Variants in BIRC6 observed in about 807,000 individuals in gnomAD.
BIRC6 encodes the protein dual E2 ubiquitin-conjugating enzyme/E3 ubiquitin-protein ligase BIRC6.
In BIRC6, 98 loss-of-function variants were observed where a neutral mutation model predicts 503.3. The observed-to-expected ratio is 0.19, with a 90% CI of 0.17 to 0.23. BIRC6 has a LOEUF of 0.23. Among genes scored for constraint, BIRC6 ranks in the 10% least tolerant of loss-of-function variants. The pLI, the probability that BIRC6 is intolerant of heterozygous loss-of-function variation, is 1.00. For missense variants in BIRC6, 5,360 were observed against 5,806.0 expected (o/e 0.92, Z 2.50); for synonymous variants, 2,240 against 2,078.7 (o/e 1.08, Z -2.11).
intron 1 of BIRC6, among the ~76,000 whole-genome samples, chr2:32,358,008 C>T (rs1367350613): frequency 8.4e-6 from 1 of 118,668 alleles, no homozygotes; most frequent in East Asian, 2.6e-4. Flanking sequence ...GGACAGACCG[C>T]GGGCTGTGCG....
rs1432305814 is a variant in BIRC6 at position 32,375,743 on chromosome 2, C to CTCTTTTTTTT, written c.326-1844_326-1843insCTTTTTTTTT. Among the ~76,000 whole-genome samples the CTCTTTTTTTT allele has an allele frequency of 3.2e-4, 44 of 138,378 alleles. 1 individual carries two copies. The highest frequency in any genetic ancestry group is 1.1e-3 in the African/African-American group (42 of 37,170). 90.8% of individuals were successfully genotyped at this position (138,378 alleles called of 152,430 possible). On this transcript the variant is annotated intron_variant, in intron 1 of 73. Transcript: ENST00000421745. ...CCGTAAATGTATTTTCTTTCTCTCT[C>CTCTTTTTTTT]TTTTTTTTTTTTTTTGCAATTCAGC...
At chr2:32,574,089 T>C (rs2060093138) in intron 65 of BIRC6, among the ~76,000 whole-genome samples, 1 of 152,110 alleles carries the variant, frequency 6.6e-6, no homozygotes, top group African/African-American at 2.4e-5. Flanking sequence ...ACCTATTAAG[T>C]TGACCCTTGA....
chr2:32,543,158 G>A, intron 61 of BIRC6, 83 bp from the exon 62 acceptor site: 1 of 1,351,360 alleles, frequency 7.4e-7, no homozygotes, highest in Non-Finnish European at 1.0e-6. Context: ...ATATTTTAAA[G>A]AGATCATTTA....
intron 69 of BIRC6, 71 bp downstream of exon 69, chr2:32,598,039 A>C: frequency 1.5e-6 from 2 of 1,303,682 alleles, no homozygotes; most frequent in Non-Finnish European, 2.1e-6. Flanking sequence ...ATTTTTATAC[A>C]AAACTGGAAA....
intron 1 of BIRC6, among the ~76,000 whole-genome samples, chr2:32,361,222 A>G (rs924439956): frequency 5.3e-5 from 8 of 152,210 alleles, no homozygotes; most frequent in Non-Finnish European, 7.4e-5. Context: ...GGTTTGGGCC[A>G]CCGCGCCCAG....
intron 26 of BIRC6, among the ~76,000 whole-genome samples, chr2:32,467,317 G>A (rs530591606): frequency 1.3e-5 from 2 of 152,208 alleles, no homozygotes; most frequent in East Asian, 1.9e-4. Context: ...TTCTACTTAC[G>A]TCTTGGGGTT....
At chr2:32,493,726 A>G (rs2052047578) in intron 45 of BIRC6, 59 bp downstream of exon 45, 1 of 1,368,656 alleles carries the variant, frequency 7.3e-7, no homozygotes, top group African/African-American at 1.4e-5. Flanking sequence ...TTCTCCAAAT[A>G]TACTTTTCTT....
Position 32,477,360 on chromosome 2 carries a change from G to A in BIRC6, c.6853-8G>A, listed in dbSNP as rs2049885783. 1 of 1,610,392 alleles carries A rather than the reference G, an allele frequency of 6.2e-7. No individual in the cohort carries two copies. The highest frequency in any genetic ancestry group is 8.5e-7 in the Non-Finnish European group (1 of 1,178,818). The stretch of plus-strand genomic sequence containing the variant: ...ATTGATTTAAACACTATACATTTTT[G>A]TGTGCAGCACTTTAAGGATTTAATT... On this transcript the variant is annotated splice_polypyrimidine_tract_variant and splice_region_variant and intron_variant, in intron 34 of 73. Transcript: ENST00000421745.
intron 68 of BIRC6, among the ~76,000 whole-genome samples, chr2:32,595,782 T>A (rs1398994009): frequency 6.6e-6 from 1 of 152,226 alleles, no homozygotes; most frequent in Non-Finnish European, 1.5e-5. Flanking sequence ...TTTTGTCATA[T>A]TGTCTTTGAA....
intron 61 of BIRC6, among the ~76,000 whole-genome samples, chr2:32,540,752 G>A (rs2057602323): frequency 6.6e-6 from 1 of 151,878 alleles, no homozygotes; most frequent in Admixed American, 6.6e-5. Flanking sequence ...CTAAGCCTGT[G>A]GTGGTCTCAT....
intron 66 of BIRC6, among the ~76,000 whole-genome samples, chr2:32,578,657 G>A (rs1315140112): frequency 6.6e-6 from 1 of 151,938 alleles, no homozygotes; most frequent in African/African-American, 2.4e-5. Flanking sequence ...TCAGCTGGGT[G>A]TGGTGGCACA....
intron 3 of BIRC6, among the ~76,000 whole-genome samples, chr2:32,384,737 G>T (rs530039585): frequency 6.6e-6 from 1 of 152,276 alleles, no homozygotes; most frequent in South Asian, 2.1e-4. Context: ...TTTTGGGCCT[G>T]TGCATAGCCT....
At chr2:32,513,180 T>G in intron 54 of BIRC6, 26 bp downstream of exon 54, 1 of 1,569,848 alleles carries the variant, frequency 6.4e-7, no homozygotes, top group Non-Finnish European at 8.8e-7. Context: ...GAAATCTTTT[T>G]TATCCCCCAG....
chr2:32,482,321 G>A (rs974463780), intron 38 of BIRC6, 108 bp from the exon 39 acceptor site: 8 of 1,083,206 alleles, frequency 7.4e-6, no homozygotes, highest in Non-Finnish European at 9.2e-6. Context: ...TTTAAAGGGT[G>A]GATAGAATAT....
At chr2:32,583,731 G>C (rs2060840446) in intron 66 of BIRC6, among the ~76,000 whole-genome samples, 1 of 151,960 alleles carries the variant, frequency 6.6e-6, no homozygotes, top group African/African-American at 2.4e-5. Flanking sequence ...AAAACGTATT[G>C]TAATTTTTTT....
chr2:32,411,400 TA>T (rs1553407521), intron 9 of BIRC6, among the ~76,000 whole-genome samples: 4 of 20,378 alleles, frequency 2.0e-4, no homozygotes, highest in Admixed American at 1.7e-3. Flanking sequence ...TTAAGGCAAT[TA>T]TATATATATA....
At chr2:32,598,173 A>C (rs2061801563) in intron 69 of BIRC6, among the ~76,000 whole-genome samples, 2 of 114,566 alleles carry the variant, frequency 1.7e-5, no homozygotes, top group African/African-American at 6.8e-5. Context: ...ACTTTTGCCC[A>C]AGCTGGAGTA....
At chr2:32,473,030 T>A (rs2049281860) in intron 32 of BIRC6, 82 bp from the exon 33 acceptor site, 1 of 1,209,296 alleles carries the variant, frequency 8.3e-7, no homozygotes, top group African/African-American at 1.6e-5. Flanking sequence ...TGTATAACTG[T>A]GTTTTTTGTT....
intron 66 of BIRC6, among the ~76,000 whole-genome samples, chr2:32,582,044 A>G (rs1318457177): frequency 6.6e-6 from 1 of 152,014 alleles, no homozygotes; most frequent in African/African-American, 2.4e-5. Flanking sequence ...TTTTTAGTAG[A>G]GAGGGGGTTT....
Sources: allele counts gnomAD v4.1 joint callset (sites outside exome capture counted in the v4.1 genomes callset), GRCh38; gene constraint gnomAD v4.1.1; transcripts MANE v1.5; gene names NCBI Gene and HGNC (gene_info 2026-07-23, HGNC 2026-07-21).